SLC37A3: variants seen among roughly 807,000 people sequenced by gnomAD.
The protein encoded by SLC37A3 is sugar phosphate exchanger 3.
Under a neutral mutation model 67.1 loss-of-function variants are expected in SLC37A3, and 51 were observed. That is an observed-to-expected ratio of 0.76 (90% CI 0.61 to 0.96). The LOEUF (loss-of-function observed/expected upper bound fraction) is 0.96, where lower values mean the gene tolerates loss of function less well. Among genes scored for constraint, SLC37A3 ranks in the 40% least tolerant of loss-of-function variants. SLC37A3 has a pLI of 0.00. For missense variants in SLC37A3, 508 were observed against 603.0 expected (o/e 0.84, Z 1.65); for synonymous variants, 214 against 231.4 (o/e 0.92, Z 0.68).
chr7:140,337,113 AAAAAAAGAAG>A (rs1251814173), intron 14 of SLC37A3, among the ~76,000 whole-genome samples, 161 bp downstream of exon 14: 2 of 150,336 alleles, frequency 1.3e-5, no homozygotes, highest in Non-Finnish European at 3.0e-5. Flanking sequence ...AAAAAAAAAA[AAAAAAAGAAG>A]AAGAAGAAGA....
Position 140,369,779 on chromosome 7 carries a change from A to G in SLC37A3, c.199-97T>C, listed in dbSNP as rs1797748239. ...TCACAAACACTTCCAAAGCACCAGT[A>G]ATGCTCAAGAACAACTTTTACTTCA... On this transcript the variant is annotated intron_variant, in intron 3 of 14. Coordinates refer to ENST00000326232, the MANE Select transcript of SLC37A3 (RefSeq NM_207113.3). 3.4e-6 allele frequency: 3 copies of G among 886,756 alleles called. No individual in the cohort carries two copies. In the South Asian group the frequency reaches 4.5e-5, roughly 13 times the overall value. 54.9% of individuals were successfully genotyped at this position (886,756 alleles called of 1,614,324 possible).
chr7:140,387,508 G>A (rs997076236), intron 1 of SLC37A3, among the ~76,000 whole-genome samples: 1 of 148,442 alleles, frequency 6.7e-6, no homozygotes, highest in Non-Finnish European at 1.5e-5. Context: ...CCAGCTACTC[G>A]GGAGGTTGAG....
intron 3 of SLC37A3, among the ~76,000 whole-genome samples, chr7:140,375,611 C>T (rs1389399138): frequency 6.6e-6 from 1 of 152,178 alleles, no homozygotes; most frequent in Non-Finnish European, 1.5e-5. Flanking sequence ...AAGGGTGGCA[C>T]ATCTCACACA....
intron 10 of SLC37A3, among the ~76,000 whole-genome samples, chr7:140,346,905 C>G (rs931948416): frequency 5.3e-5 from 8 of 151,858 alleles, no homozygotes; most frequent in Non-Finnish European, 1.2e-4. Context: ...CCACTGCACT[C>G]TAGCCTGGGC....
chr7:140,338,875 C>T (rs530347607), intron 13 of SLC37A3, among the ~76,000 whole-genome samples: 1 of 152,060 alleles, frequency 6.6e-6, no homozygotes, highest in South Asian at 2.1e-4. Context: ...AAGCGATTAT[C>T]TTGCCTCAGC....
rs756098075 is a variant in SLC37A3, at chr7:140,337,330, C to T, written c.1346G>A (p.Arg449Gln). 14 of 1,596,520 alleles carry T rather than the reference C, an allele frequency of 8.8e-6. No individual in the cohort carries two copies. Among genetic ancestry groups the T allele is most frequent in the Middle Eastern group, 1.7e-4 (1 of 5,962 alleles). Residue 449 changes from arginine (R) to glutamine (Q), a missense_variant, in exon 14 of 15, where the codon CGG (arginine) becomes CAG (glutamine). Transcript: ENST00000326232. ...AACCCACATCCATCCTAGCTTGTCC[C>T]GGATCAGAGACACTAAATACTGAAA... is the stretch of plus-strand genomic sequence containing the variant. ...AVGQYLVSLI[R>Q]DKLGWMWVFY...
intron 10 of SLC37A3, 95 bp downstream of exon 10, chr7:140,348,531 G>A (rs1275631714): frequency 8.3e-6 from 11 of 1,332,032 alleles, no homozygotes; most frequent in Non-Finnish European, 1.1e-5. Context: ...TGTAGAATAA[G>A]TAATAAAACT....
intron 7 of SLC37A3, among the ~76,000 whole-genome samples, chr7:140,354,637 G>T (rs1441136927): frequency 6.6e-6 from 1 of 151,696 alleles, no homozygotes; most frequent in East Asian, 1.9e-4. Context: ...TGCTTTACAT[G>T]AGCTATACAT....
intron 9 of SLC37A3, among the ~76,000 whole-genome samples, chr7:140,350,179 C>T (rs904947424): frequency 1.3e-5 from 2 of 152,050 alleles, no homozygotes; most frequent in African/African-American, 2.4e-5. Context: ...ATGTTACAGG[C>T]CCCAGGGAAG....
intron 5 of SLC37A3, among the ~76,000 whole-genome samples, chr7:140,361,640 A>G (rs1797300584): frequency 6.9e-6 from 1 of 143,982 alleles, no homozygotes; most frequent in African/African-American, 2.6e-5. Context: ...GCTCACTGCA[A>G]CCTCCCTGCC....
intron 5 of SLC37A3, among the ~76,000 whole-genome samples, chr7:140,363,507 A>G (rs1797453958): frequency 1.7e-5 from 2 of 120,266 alleles, no homozygotes. Flanking sequence ...AGGCTCGTTA[A>G]GAGTCATCAC....
In SLC37A3 at chr7:140,380,028, C is replaced by T. The variant is rs1173933494; in HGVS notation, c.198+254G>A. ...AAGACAGAAACGAGCACAGCACTAA[C>T]GAAAGCCAGTGAAAAAACAGCCTTG... On this transcript the variant is annotated intron_variant, in intron 3 of 14. Coordinates refer to ENST00000326232, the MANE Select transcript of SLC37A3 (RefSeq NM_207113.3). The T allele has an allele frequency of 5.0e-5, 13 of 262,418 alleles. No individual in the cohort carries two copies. The South Asian group carries it at 6.1e-4, about 12-fold the overall frequency. The allele number at this position is 262,418 out of a possible 1,614,324, so 16.3% of individuals were successfully genotyped here. A position where few individuals can be genotyped will look rare whatever the true frequency, so the allele number is the denominator to read the frequency against.
At chr7:140,351,527 G>T in intron 8 of SLC37A3, 76 bp from the exon 9 acceptor site, 1 of 1,407,056 alleles carries the variant, frequency 7.1e-7, no homozygotes, top group Non-Finnish European at 9.7e-7. Flanking sequence ...CCCTACTTAT[G>T]AGGTGATGTT....
At position 140,343,672 on chromosome 7, in the gene SLC37A3, T is replaced by G. The variant is rs1043751254; in HGVS notation, c.1175-109A>C. ...GTTTTCTTAATATGTTGGAGAGAAG[T>G]GGAAAAAAAAGGAAACCCCCAGATA... is the stretch of plus-strand genomic sequence containing the variant. On this transcript the variant is annotated intron_variant, in intron 12 of 14. Coordinates refer to ENST00000326232, the MANE Select transcript of SLC37A3 (RefSeq NM_207113.3). The G allele has an allele frequency of 4.9e-6, 6 of 1,228,384 alleles. No homozygotes were observed. The South Asian group carries it at 8.6e-5, about 18-fold the overall frequency. The allele number at this position is 1,228,384 out of a possible 1,614,324, so 76.1% of individuals were successfully genotyped here.
Position 140,384,046 on chromosome 7 carries a change from C to T in SLC37A3, c.-70-1450G>A, listed in dbSNP as rs115531127. On this transcript the variant is annotated intron_variant, in intron 1 of 14. Transcript: ENST00000326232. ...ATGCTCTGATATCCAAGAACAATTACGCATAAAGTAAGCAGCTAAACTTAA... is the reference window on the plus strand; with the variant it reads ...ATGCTCTGATATCCAAGAACAATTATGCATAAAGTAAGCAGCTAAACTTAA... Among the ~76,000 whole-genome samples, 219 of 152,222 alleles carry T rather than the reference C, an allele frequency of 1.4e-3. 1 individual carries two copies. Among genetic ancestry groups the T allele is most frequent in the African/African-American group, 5.0e-3 (206 of 41,546 alleles).
In SLC37A3 at chr7:140,348,752, C is replaced by T; in HGVS notation, c.898G>A (p.Ala300Thr). 1.9e-6 allele frequency: 3 copies of T among 1,614,078 alleles called. No individual in the cohort carries two copies. The highest frequency in any genetic ancestry group is 8.5e-7 in the Non-Finnish European group (1 of 1,180,010). Residue 300 changes from alanine to threonine, a missense_variant, in exon 10 of 15, where the codon GCC becomes ACC. Coordinates refer to ENST00000326232, the MANE Select transcript of SLC37A3 (RefSeq NM_207113.3). The stretch of plus-strand genomic sequence containing the variant: ...GAGTAATTCACTAACTTCAAGCAGG[C>T]GTAGGCCAGTGAGTACTACAAGAAA... ...PGVIPYSLAY[A>T]CLKLVNYSFF... is the part of the protein sequence containing the mutation.
chr7:140,377,042 C>A (rs1209337167), intron 3 of SLC37A3, among the ~76,000 whole-genome samples: 2 of 149,352 alleles, frequency 1.3e-5, no homozygotes, highest in South Asian at 4.2e-4. Flanking sequence ...CTCCTAGGTT[C>A]AAGCCATTCT....
At chr7:140,337,117 A>AG (rs1218624638) in intron 14 of SLC37A3, among the ~76,000 whole-genome samples, 167 bp downstream of exon 14, 19 of 145,286 alleles carry the variant, frequency 1.3e-4, no homozygotes, top group Admixed American at 2.7e-4. Context: ...AAAAAAAAAA[A>AG]AAGAAGAAGA....
At chr7:140,362,995 G>A (rs1438391575) in intron 5 of SLC37A3, among the ~76,000 whole-genome samples, 2 of 90,056 alleles carry the variant, frequency 2.2e-5, no homozygotes, top group South Asian at 9.3e-4. Flanking sequence ...GGTGAGGGGC[G>A]CCTCTGCCCG....
Sources: gnomAD v4.1 joint callset for allele counts (sites outside exome capture counted in the v4.1 genomes callset) on GRCh38, gnomAD v4.1.1 for gene constraint, MANE v1.5 for transcripts, NCBI Gene and HGNC (gene_info 2026-07-23, HGNC 2026-07-21) for gene names.